Variants in GPR141 observed in about 807,000 individuals in gnomAD.
GPR141 encodes the protein probable G protein-coupled receptor 141.
In GPR141, 6 loss-of-function variants were observed where a neutral mutation model predicts 6.8. The ratio of observed to expected loss-of-function variants is 0.88; its 90% CI spans 0.48 to 1.74. GPR141 has a LOEUF of 1.74. Among genes scored for constraint, GPR141 ranks in the 40% most tolerant of loss-of-function variants. GPR141 has a pLI of 0.01. For missense variants in GPR141, 372 were observed against 372.9 expected, an observed-to-expected ratio of 1.00 and a Z score of 0.02; for synonymous variants, 140 against 142.3, an observed-to-expected ratio of 0.98 and a Z score of 0.11.
intron 2 of GPR141, among the ~76,000 whole-genome samples, chr7:37,698,808 G>T (rs1748056942): frequency 6.6e-6 from 1 of 152,174 alleles, no homozygotes; most frequent in African/African-American, 2.4e-5. Context: ...TGAAATAAAA[G>T]AAAATGTAGG....
chr7:37,692,431 A>C (rs1809821260), intron 2 of GPR141, among the ~76,000 whole-genome samples: 2 of 152,148 alleles, frequency 1.3e-5, no homozygotes, highest in South Asian at 4.2e-4. Context: ...AGTCTTTGCT[A>C]TTGTGAATAG....
At chr7:37,732,740 T>C (rs1812030586) in intron 2 of GPR141, among the ~76,000 whole-genome samples, 1 of 152,118 alleles carries the variant, frequency 6.6e-6, no homozygotes, top group South Asian at 2.1e-4. Context: ...GTAATAGATA[T>C]GTAACAAAGG....
intron 2 of GPR141, among the ~76,000 whole-genome samples, chr7:37,712,011 C>G (rs192200399): frequency 1.3e-5 from 2 of 152,342 alleles, no homozygotes; most frequent in African/African-American, 4.8e-5. Flanking sequence ...ATTCAGGAAT[C>G]TAAGTCCAGG....
chr7:37,699,555 CG>C (rs1810182462), intron 2 of GPR141, among the ~76,000 whole-genome samples: 1 of 151,856 alleles, frequency 6.6e-6, no homozygotes, highest in Non-Finnish European at 1.5e-5. Context: ...AGCGAGACTC[CG>C]ACTCAAAAAA....
intron 2 of GPR141, among the ~76,000 whole-genome samples, chr7:37,689,167 A>G (rs1329242048): frequency 1.3e-5 from 2 of 152,044 alleles, no homozygotes; most frequent in African/African-American, 4.8e-5. Context: ...TTTGTCTTTC[A>G]TTCTATTGAT....
At chr7:37,701,590 A>C (rs1810279474) in intron 2 of GPR141, among the ~76,000 whole-genome samples, 3 of 152,214 alleles carry the variant, frequency 2.0e-5, no homozygotes, top group Admixed American at 6.5e-5. Flanking sequence ...ATACAAAATA[A>C]TCATTTGTTG....
In GPR141 at chr7:37,705,443, G is replaced by A. The variant is rs1244533652; in HGVS notation, c.-15+19860G>A. 2.0e-5 allele frequency among the ~76,000 whole-genome samples: 3 copies of A among 152,136 alleles called. No individual in the cohort carries two copies. In the East Asian group the frequency reaches 5.8e-4, roughly 29 times the overall value. On this transcript the variant is annotated intron_variant, in intron 2 of 2. Coordinates refer to ENST00000334425, the MANE Select transcript of GPR141 (RefSeq NM_001381946.1). ...AACCTCAGTAGAGAAAGGAAATTCT[G>A]GGGACTGCGATATATCAGTTGGATT... is the stretch of plus-strand genomic sequence containing the variant.
intron 2 of GPR141, among the ~76,000 whole-genome samples, chr7:37,706,295 A>C (rs903306232): frequency 7.9e-5 from 12 of 152,250 alleles, no homozygotes; most frequent in African/African-American, 2.7e-4. Context: ...AGATTGAGAA[A>C]TACTTGGAGA....
At chr7:37,724,056 G>A (rs912477322) in intron 2 of GPR141, among the ~76,000 whole-genome samples, 3 of 152,218 alleles carry the variant, frequency 2.0e-5, no homozygotes, top group African/African-American at 4.8e-5. Context: ...GCCTTGCAGA[G>A]CAGTGTGGCT....
intron 2 of GPR141, among the ~76,000 whole-genome samples, chr7:37,739,964 A>C (rs900105893): frequency 1.3e-5 from 2 of 152,190 alleles, no homozygotes; most frequent in African/African-American, 4.8e-5. Context: ...AGAGAATTAT[A>C]ATCATGCCCG....
At chr7:37,736,994 A>G (rs929611805) in intron 2 of GPR141, among the ~76,000 whole-genome samples, 6 of 152,176 alleles carry the variant, frequency 3.9e-5, no homozygotes, top group African/African-American at 1.4e-4. Context: ...ACTGAGAATA[A>G]GGGAGTGGGT....
intron 2 of GPR141, among the ~76,000 whole-genome samples, chr7:37,695,567 G>A (rs895968638): frequency 1.3e-5 from 2 of 152,196 alleles, no homozygotes. Context: ...TGGGGGATGG[G>A]ATGTAGGAGT....
chr7:37,692,783 C>T (rs1809837286), intron 2 of GPR141, among the ~76,000 whole-genome samples: 2 of 152,188 alleles, frequency 1.3e-5, no homozygotes, highest in Admixed American at 1.3e-4. Context: ...TTGATGGCCA[C>T]ATAAATGTCT....
At chr7:37,705,259 T>C (rs1398677454) in intron 2 of GPR141, among the ~76,000 whole-genome samples, 3 of 152,198 alleles carry the variant, frequency 2.0e-5, no homozygotes, top group African/African-American at 7.2e-5. Context: ...AATTCATGTG[T>C]TTGCTCTTTT....
intron 2 of GPR141, among the ~76,000 whole-genome samples, chr7:37,717,350 T>C (rs1173242458): frequency 2.6e-5 from 4 of 152,248 alleles, no homozygotes; most frequent in South Asian, 2.1e-4. Context: ...ATATTTCTTA[T>C]TGAAATCTCC....
intron 2 of GPR141, among the ~76,000 whole-genome samples, chr7:37,729,511 A>T (rs1811808368): frequency 6.6e-6 from 1 of 152,248 alleles, no homozygotes; most frequent in Non-Finnish European, 1.5e-5. Context: ...TTAACAACTC[A>T]TGACCACTAT....
chr7:37,690,433 C>G (rs1229211928), intron 2 of GPR141, among the ~76,000 whole-genome samples: 1 of 152,104 alleles, frequency 6.6e-6, no homozygotes, highest in African/African-American at 2.4e-5. Context: ...GTCCTTTCCC[C>G]TTTCACAGTG....
At chr7:37,703,864 T>C (rs188627001) in intron 2 of GPR141, among the ~76,000 whole-genome samples, 4 of 152,314 alleles carry the variant, frequency 2.6e-5, no homozygotes, top group East Asian at 3.9e-4. Flanking sequence ...TCTGGTTCTA[T>C]TAGTATATTT....
At chr7:37,689,726 T>G (rs1226696486) in intron 2 of GPR141, among the ~76,000 whole-genome samples, 3 of 151,998 alleles carry the variant, frequency 2.0e-5, no homozygotes, top group African/African-American at 7.2e-5. Context: ...TTTTTAAAAT[T>G]TCTGTGCTAT....
Sources: gnomAD v4.1 joint callset for allele counts (sites outside exome capture counted in the v4.1 genomes callset) on GRCh38, gnomAD v4.1.1 for gene constraint, MANE v1.5 for transcripts, NCBI Gene and HGNC (gene_info 2026-07-23, HGNC 2026-07-21) for gene names.